Variants in KIF25 observed in about 807,000 individuals in gnomAD.
The protein encoded by KIF25 is kinesin-like protein KIF25.
In KIF25, 19 loss-of-function variants were observed where a neutral mutation model predicts 32.9. The observed-to-expected ratio is 0.58, with a 90% CI of 0.40 to 0.85. The LOEUF (loss-of-function observed/expected upper bound fraction) is 0.85. Among genes scored for constraint, KIF25 ranks in the 40% least tolerant of loss-of-function variants. The pLI is 0.00. For missense variants in KIF25, 485 were observed against 507.0 expected (o/e 0.96, Z 0.42); for synonymous variants, 225 against 213.7 (o/e 1.05, Z -0.46).
intron 4 of KIF25, among the ~76,000 whole-genome samples, chr6:168,012,274 C>T (rs1798658426): frequency 6.6e-6 from 1 of 152,144 alleles, no homozygotes; most frequent in Admixed American, 6.5e-5. Context: ...TGCTGTGTCC[C>T]TAACATTGAC....
chr6:168,025,959 A>G (rs1460034670), intron 5 of KIF25, among the ~76,000 whole-genome samples: 1 of 152,144 alleles, frequency 6.6e-6, no homozygotes, highest in Non-Finnish European at 1.5e-5. Flanking sequence ...AGCTGGGTGG[A>G]GTTTAGTTAC....
At chr6:168,041,711 A>G (rs1326612105) in intron 10 of KIF25, among the ~76,000 whole-genome samples, 1 of 152,220 alleles carries the variant, frequency 6.6e-6, no homozygotes, top group Non-Finnish European at 1.5e-5. Flanking sequence ...TCTTCCTAAG[A>G]AGCATTATTT....
intron 12 of KIF25, among the ~76,000 whole-genome samples, chr6:168,043,684 AG>A (rs1171574838): frequency 6.6e-6 from 1 of 152,230 alleles, no homozygotes; most frequent in Non-Finnish European, 1.5e-5. Context: ...GACCTGGGTC[AG>A]GGGCACAGCC....
At chr6:168,037,508 G>A (rs1799040560) in intron 8 of KIF25, among the ~76,000 whole-genome samples, 1 of 152,144 alleles carries the variant, frequency 6.6e-6, no homozygotes, top group Non-Finnish European at 1.5e-5. Context: ...GAAAGAAAGA[G>A]GCCTTTGTTA....
intron 5 of KIF25, among the ~76,000 whole-genome samples, chr6:168,027,886 T>C (rs887075219): frequency 6.6e-6 from 1 of 152,220 alleles, no homozygotes; most frequent in African/African-American, 2.4e-5. Flanking sequence ...CTTTCCCTTC[T>C]CTATCTCTAG....
intron 12 of KIF25, among the ~76,000 whole-genome samples, chr6:168,043,913 C>T (rs979975812): frequency 6.6e-6 from 1 of 152,222 alleles, no homozygotes; most frequent in African/African-American, 2.4e-5. Flanking sequence ...AGGAGAAGTC[C>T]TGGGCACACG....
At chr6:168,042,373 C>A (rs2114915863) in intron 11 of KIF25, among the ~76,000 whole-genome samples, 188 bp from the exon 12 acceptor site, 1 of 152,284 alleles carries the variant, frequency 6.6e-6, no homozygotes, top group Non-Finnish European at 1.5e-5. Flanking sequence ...GAACAGAAAA[C>A]CTGAGTTCCC....
At chr6:168,018,335 T>G (rs1798743641) in intron 5 of KIF25, among the ~76,000 whole-genome samples, 1 of 152,150 alleles carries the variant, frequency 6.6e-6, no homozygotes, top group Non-Finnish European at 1.5e-5. Context: ...AGCTTTCCAT[T>G]TGGTGATTTT....
At chr6:168,027,830 C>T (rs1798885159) in intron 5 of KIF25, among the ~76,000 whole-genome samples, 1 of 152,182 alleles carries the variant, frequency 6.6e-6, no homozygotes, top group African/African-American at 2.4e-5. Flanking sequence ...TTCTGACATT[C>T]GCATCTTTTT....
intron 5 of KIF25, among the ~76,000 whole-genome samples, chr6:168,018,609 GCTTT>G (rs1227479487): frequency 6.6e-6 from 1 of 152,188 alleles, no homozygotes; most frequent in Non-Finnish European, 1.5e-5. Context: ...TAACAATAGG[GCTTT>G]CTGTCAGATG....
chr6:168,035,405 C>T (rs1197027101), intron 8 of KIF25, among the ~76,000 whole-genome samples: 2 of 14,200 alleles, frequency 1.4e-4, no homozygotes, highest in East Asian at 2.8e-3. Flanking sequence ...ATATCCAGGG[C>T]GGCAAAGGGA....
At chr6:168,032,559 G>A (rs183943979) in intron 7 of KIF25, among the ~76,000 whole-genome samples, 16 of 152,324 alleles carry the variant, frequency 1.1e-4, no homozygotes, top group South Asian at 2.1e-4. Context: ...CCAGGCTCTT[G>A]TGGCTGGAAT....
rs182966983 is a variant in KIF25 at position 168,020,017 on chromosome 6, G to A, written c.-95+1977G>A. 2.6e-3 allele frequency among the ~76,000 whole-genome samples: 398 copies of A among 152,162 alleles called. 1 individual carries two copies. The highest frequency in any genetic ancestry group is 9.3e-3 in the African/African-American group (385 of 41,516). On this transcript the variant is annotated intron_variant, in intron 5 of 12. Transcript: ENST00000643607. ...TATGGTGGTGCACACCTGTAATCCC[G>A]CTGCTTGGGAGGCTGAGGCAGGAGA...
At chr6:168,011,213 T>C (rs1798643293) in intron 4 of KIF25, among the ~76,000 whole-genome samples, 1 of 152,182 alleles carries the variant, frequency 6.6e-6, no homozygotes, top group South Asian at 2.1e-4. Context: ...TTATTGTTTA[T>C]TTTTTGCATT....
chr6:168,025,786 A>T lies in KIF25; in HGVS notation c.-94-3706A>T, dbSNP rs184997294. Among the ~76,000 whole-genome samples, 26 of 152,354 alleles carry T rather than the reference A, an allele frequency of 1.7e-4. No homozygotes were observed. The East Asian group carries it at 4.8e-3, about 28-fold the overall frequency. On this transcript the variant is annotated intron_variant, in intron 5 of 12. Coordinates refer to ENST00000643607, the MANE Select transcript of KIF25 (RefSeq NM_030615.4). ...GGAATAAAGTAGGGTCGGATTAGGA[A>T]TAAAAAGTTTAAAGTATGATCCTTT...
intron 5 of KIF25, among the ~76,000 whole-genome samples, chr6:168,020,362 A>G (rs1238303883): frequency 6.6e-6 from 1 of 152,186 alleles, no homozygotes; most frequent in African/African-American, 2.4e-5. Flanking sequence ...ACATTTCCAG[A>G]CATGGGAAAG....
intron 2 of KIF25, among the ~76,000 whole-genome samples, chr6:168,002,159 C>T (rs13215044): frequency 1.6e-4 from 12 of 75,956 alleles, no homozygotes; most frequent in East Asian, 3.7e-4. Context: ...GGCGTGGCCT[C>T]GGGCAGGTGA....
intron 10 of KIF25, among the ~76,000 whole-genome samples, chr6:168,041,025 G>C (rs1485345714): frequency 6.6e-6 from 1 of 152,198 alleles, no homozygotes; most frequent in Non-Finnish European, 1.5e-5. Flanking sequence ...GCTGGGACTG[G>C]ACCCAGAGTG....
Position 168,042,490 on chromosome 6 carries a change from AG to A in KIF25, c.830-69del. 2.6e-6 allele frequency: 4 copies of A among 1,557,814 alleles called. 1 individual carries two copies. The South Asian group carries it at 4.9e-5, about 19-fold the overall frequency. On this transcript the variant is annotated intron_variant, in intron 11 of 12. Coordinates refer to ENST00000643607, the MANE Select transcript of KIF25 (RefSeq NM_030615.4). ...ACCTGCCTGAGAGCCGCTCCTCCCA[AG>A]GAGCCGGTTTTGCTTTTCCTGCCTC... is the stretch of plus-strand genomic sequence containing the variant.
Sources: allele counts gnomAD v4.1 joint callset (sites outside exome capture counted in the v4.1 genomes callset), GRCh38; gene constraint gnomAD v4.1.1; transcripts MANE v1.5; gene names NCBI Gene and HGNC (gene_info 2026-07-23, HGNC 2026-07-21).